Variants in PFKFB1 observed in about 807,000 individuals in gnomAD.
PFKFB1 encodes the protein 6-phosphofructo-2-kinase/fructose-2,6-biphosphatase 1.
Under a neutral mutation model 46.4 loss-of-function variants are expected in PFKFB1, and 34 were observed. That is an observed-to-expected ratio of 0.73 (90% CI 0.56 to 0.98). The LOEUF (loss-of-function observed/expected upper bound fraction) is 0.98. PFKFB1 is among the 50% of genes least tolerant of loss of function. PFKFB1 has a pLI of 0.00. For missense variants in PFKFB1, 393 were observed against 376.3 expected, an observed-to-expected ratio of 1.04 and a Z score of -0.37; for synonymous variants, 119 against 133.8, an observed-to-expected ratio of 0.89 and a Z score of 0.76.
Position 54,959,886 on chromosome X carries a change from C to A in PFKFB1, c.325G>T (p.Ala109Ser). ...TGAACATCCTTCAGGGCTGCCAGGG[C>A]GCACTGCCTGAAATAGACCAGGAAA... Reference protein sequence around the residue: ...MEALQIRKQCALAALKDVHNY... With the variant: ...MEALQIRKQCSLAALKDVHNY... Residue 109 changes from alanine (A) to serine (S), a missense_variant, in exon 4 of 14, where the codon GCC (alanine) becomes TCC (serine). By Grantham distance (99) the Ala-to-Ser change is moderately conservative (BLOSUM62 1). Transcript: ENST00000375006. The A allele has an allele frequency of 8.3e-7, 1 of 1,198,500 alleles. No individual in the cohort carries two copies. Among genetic ancestry groups the A allele is most frequent in the Non-Finnish European group, 1.1e-6 (1 of 884,312 alleles).
intron 7 of PFKFB1, among the ~76,000 whole-genome samples, chrX:54,953,171 T>C (rs1036016711): frequency 8.1e-5 from 9 of 111,660 alleles, no homozygotes; most frequent in African/African-American, 2.9e-4. Flanking sequence ...GAGAAATCCC[T>C]GGGAAGAGGA....
At chrX:54,996,829 C>A (rs775254523), upstream of PFKFB1, among the ~76,000 whole-genome samples, 22 of 111,467 alleles carry the variant, frequency 2.0e-4, no homozygotes, top group South Asian at 3.8e-4. Flanking sequence ...CCTTCTATTC[C>A]CAACAAAATC....
At chrX:54,975,779 T>C (rs759979194) in intron 1 of PFKFB1, among the ~76,000 whole-genome samples, 1 of 111,193 alleles carries the variant, frequency 9.0e-6, no homozygotes, top group African/African-American at 3.3e-5. Flanking sequence ...AGCCCAGAAA[T>C]AGACCCACTC....
At chrX:54,995,409 G>A (rs773445951), upstream of PFKFB1, among the ~76,000 whole-genome samples, 6 of 112,258 alleles carry the variant, frequency 5.3e-5, no homozygotes, top group East Asian at 5.6e-4. Flanking sequence ...TTTGCAAGCC[G>A]TAGTCTACAC....
chrX:54,935,048 C>G (rs997417635), intron 11 of PFKFB1, 39 bp from the exon 12 acceptor site: 4 of 1,050,050 alleles, frequency 3.8e-6, no homozygotes, highest in African/African-American at 1.8e-5. Flanking sequence ...AGGCAGGGTG[C>G]TGGCCAGGAC....
At chrX:54,995,836 C>T (rs1935349205), upstream of PFKFB1, among the ~76,000 whole-genome samples, 1 of 112,537 alleles carries the variant, frequency 8.9e-6, no homozygotes, top group Admixed American at 9.4e-5. Flanking sequence ...ATACAGAAAA[C>T]TCTCAGTTAA....
chrX:54,985,894 A>AT (rs1459382374), intron 1 of PFKFB1, among the ~76,000 whole-genome samples: 1 of 110,963 alleles, frequency 9.0e-6, no homozygotes, highest in African/African-American at 3.3e-5. Context: ...ATACCTAAAA[A>AT]ATATATAATA....
chrX:54,976,123 G>A (rs1305902816), intron 1 of PFKFB1, among the ~76,000 whole-genome samples: 7 of 110,549 alleles, frequency 6.3e-5, no homozygotes, highest in South Asian at 3.7e-4. Context: ...TTTTATTTAC[G>A]AAAAATTTTA....
Position 54,952,102 on chromosome X carries a change from A to C in PFKFB1, c.649T>G (p.Tyr217Asp). 1.1e-5 allele frequency: 13 copies of C among 1,209,909 alleles called. No homozygotes were observed. The highest frequency in any genetic ancestry group is 1.5e-5 in the Non-Finnish European group (13 of 894,240). ...GTGCCCACGTCGAAGATCTTGATGT[A>C]GGACAGGTGGCTGGGCCAGACCCAA... Reference protein sequence around the residue: ...LDEELDSHLSYIKIFDVGTRY... With the variant: ...LDEELDSHLSDIKIFDVGTRY... Residue 217 changes from tyrosine to aspartate, a missense_variant, in exon 8 of 14, where the codon TAC becomes GAC. Transcript: ENST00000375006.
Position 54,937,071 on chromosome X carries a change from T to A in PFKFB1, c.1228+524A>T, listed in dbSNP as rs547164161. 7.7e-4 allele frequency among the ~76,000 whole-genome samples: 86 copies of A among 111,089 alleles called. 1 individual carries two copies. The South Asian group carries it at 0.033, about 43-fold the overall frequency. On this transcript the variant is annotated intron_variant, in intron 11 of 13. Transcript: ENST00000375006. Reference sequence around the variant, plus strand: ...CAATGCCTACATATTTTTTTAAAAATAAATTATCATTTGAAAAACAATTTA... The same window carrying A: ...CAATGCCTACATATTTTTTTAAAAAAAAATTATCATTTGAAAAACAATTTA...
chrX:54,974,423 C>T (rs1318781598), intron 1 of PFKFB1, among the ~76,000 whole-genome samples: 1 of 111,205 alleles, frequency 9.0e-6, no homozygotes, highest in Non-Finnish European at 1.9e-5. Flanking sequence ...AAACTGGACC[C>T]TCCTCTCTCA....
intron 7 of PFKFB1, 111 bp from the exon 8 acceptor site, chrX:54,952,223 G>C: frequency 3.6e-6 from 2 of 559,211 alleles, no homozygotes; most frequent in Non-Finnish European, 5.9e-6. Flanking sequence ...CCACAACCCA[G>C]CTGTCACCTA....
At position 54,956,241 on chromosome X, in the gene PFKFB1, A is replaced by G; in HGVS notation, c.550T>C (p.Cys184Arg). 5.0e-6 allele frequency: 6 copies of G among 1,211,512 alleles called. No individual in the cohort carries two copies. The highest frequency in any genetic ancestry group is 5.6e-6 in the Non-Finnish European group (5 of 895,244). ...VKLGSPDYID[C>R]DREKVLEDFL... is the part of the protein sequence containing the mutation. ...TCTTCCAGAACCTTTTCCCGGTCAC[A>G]GTCTATATAATCAGGGCTGCCAAGT... Residue 184 changes from cysteine to arginine, a missense_variant, in exon 7 of 14, where the codon TGT (cysteine) becomes CGT (arginine). By Grantham distance (180) the Cys-to-Arg change is radical. Transcript: ENST00000375006.
Position 54,960,927 on chromosome X carries a change from G to A in PFKFB1, c.224-10C>T. On this transcript the variant is annotated splice_polypyrimidine_tract_variant and intron_variant, in intron 2 of 13. Transcript: ENST00000375006. ...TGGCCTAAATTAAACACTGAAAGCAGGGAGTGCCAGTGAAGAGGTTGGGAA... is the reference window on the plus strand; with the variant it reads ...TGGCCTAAATTAAACACTGAAAGCAAGGAGTGCCAGTGAAGAGGTTGGGAA... The A allele has an allele frequency of 8.9e-7, 1 of 1,127,439 alleles. No homozygotes were observed. The highest frequency in any genetic ancestry group is 1.2e-6 in the Non-Finnish European group (1 of 824,338). 92.9% of individuals were successfully genotyped at this position (1,127,439 alleles called of 1,213,427 possible).
At chrX:54,950,621 T>C (rs773488747) in intron 8 of PFKFB1, among the ~76,000 whole-genome samples, 1 of 112,191 alleles carries the variant, frequency 8.9e-6, no homozygotes, top group Non-Finnish European at 1.9e-5. Flanking sequence ...CTCCGAGCTG[T>C]GTGGGCAGGG....
chrX:54,937,576 G>C lies in PFKFB1; in HGVS notation c.1228+19C>G, dbSNP rs1252900347. On this transcript the variant is annotated intron_variant, in intron 11 of 13. Coordinates refer to ENST00000375006, the MANE Select transcript of PFKFB1 (RefSeq NM_002625.4). ...TCAAATACCATCAAACATTCCCAAA[G>C]CAGAGATGAGGGTAGTACCTGAACT... The C allele has an allele frequency of 8.3e-7, 1 of 1,200,003 alleles. No individual in the cohort carries two copies. The highest frequency in any genetic ancestry group is 1.1e-6 in the Non-Finnish European group (1 of 886,614).
chrX:54,973,489 T>C (rs894599674), intron 1 of PFKFB1, among the ~76,000 whole-genome samples: 3 of 111,401 alleles, frequency 2.7e-5, no homozygotes, highest in African/African-American at 9.8e-5. Flanking sequence ...GTGCTATAAA[T>C]TTCCCTCTAC....
chrX:54,960,828 T>C lies in PFKFB1; in HGVS notation c.313A>G (p.Arg105Gly), dbSNP rs770352304. The change falls in exon 3 of 14, where the codon AGG (arginine) becomes GGG (glycine). Residue 105 changes from arginine to glycine, a missense_variant. Coordinates refer to ENST00000375006, the MANE Select transcript of PFKFB1 (RefSeq NM_002625.4). ...CCTAAAATATTGGGTACTTACTTCC[T>C]GATTTGCAGGGCTTCCATGTTGTCT... ...LPDNMEALQI[R>G]KQCALAALKD... The C allele has an allele frequency of 8.6e-6, 10 of 1,166,944 alleles. No individual in the cohort carries two copies. Among genetic ancestry groups the C allele is most frequent in the Non-Finnish European group, 5.8e-6 (5 of 860,317 alleles).
At chrX:54,974,862 A>T (rs1934794241) in intron 1 of PFKFB1, among the ~76,000 whole-genome samples, 1 of 111,825 alleles carries the variant, frequency 8.9e-6, no homozygotes, top group Non-Finnish European at 1.9e-5. Flanking sequence ...AATGCTCAAC[A>T]TCACTATCTT....
Sources: allele counts gnomAD v4.1 joint callset (sites outside exome capture counted in the v4.1 genomes callset), GRCh38; gene constraint gnomAD v4.1.1; transcripts MANE v1.5; gene names NCBI Gene and HGNC (gene_info 2026-07-23, HGNC 2026-07-21).